Variants in RCOR3 observed in about 807,000 individuals in gnomAD.
The protein encoded by RCOR3 is REST corepressor 3.
A neutral mutation model predicts 64.1 loss-of-function variants in RCOR3; 13 were observed. That is an observed-to-expected ratio of 0.20 (90% CI 0.13 to 0.32). RCOR3 has a LOEUF of 0.32. Among genes scored for constraint, RCOR3 ranks in the 10% least tolerant of loss-of-function variants. The pLI, the probability that RCOR3 is intolerant of heterozygous loss-of-function variation, is 1.00. For synonymous variants in RCOR3, 215 were observed against 239.0 expected, an observed-to-expected ratio of 0.90 and a Z score of 0.93; for missense variants, 489 against 701.2, an observed-to-expected ratio of 0.70 and a Z score of 3.42.
rs894126569 is a variant in RCOR3 at position 211,259,481 on chromosome 1, C to T, written c.-80C>T. 7.8e-5 allele frequency: 112 copies of T among 1,440,446 alleles called. No individual in the cohort carries two copies. The highest frequency in any genetic ancestry group is 1.1e-4 in the East Asian group (4 of 37,486). The allele number at this position is 1,440,446 out of a possible 1,614,324, so 89.2% of individuals were successfully genotyped here. ...TCTCCTCCTCCTCCTCCTTTCCCTC[C>T]CGCCCGCGCTCTAAGCCATCTCCGC... is the stretch of plus-strand genomic sequence containing the variant. On this transcript the variant is annotated 5_prime_UTR_variant, in exon 1 of 12. Transcript: ENST00000419091.
At chr1:211,299,006 CA>C (rs1229059854) in intron 9 of RCOR3, among the ~76,000 whole-genome samples, 32 of 128,894 alleles carry the variant, frequency 2.5e-4, no homozygotes, top group Admixed American at 7.8e-4. Context: ...GACTCCGTCT[CA>C]AAAAAAAAAA....
intron 2 of RCOR3, chr1:211,267,749 A>G: frequency 6.6e-6 from 2 of 302,296 alleles, no homozygotes; most frequent in South Asian, 5.0e-5. Context: ...ACACGATCAC[A>G]TCCAGCTAAT....
intron 8 of RCOR3, among the ~76,000 whole-genome samples, chr1:211,294,177 A>G (rs1699580494): frequency 6.6e-6 from 1 of 152,228 alleles, no homozygotes; most frequent in Admixed American, 6.5e-5. Flanking sequence ...GCAAAACAAA[A>G]TGTACCCAGC....
intron 7 of RCOR3, among the ~76,000 whole-genome samples, chr1:211,282,874 A>G (rs559915053): frequency 1.3e-5 from 2 of 152,240 alleles, no homozygotes; most frequent in East Asian, 1.9e-4. Context: ...TTCTTTCTTT[A>G]TAGTTTTATC....
At chr1:211,266,827 A>G (rs1695279420) in intron 2 of RCOR3, among the ~76,000 whole-genome samples, 1 of 152,212 alleles carries the variant, frequency 6.6e-6, no homozygotes, top group Admixed American at 6.5e-5. Context: ...TAGATAAGTT[A>G]TTTTTAATAG....
At chr1:211,305,597 A>T (rs1202402746) in intron 10 of RCOR3, among the ~76,000 whole-genome samples, 1 of 152,182 alleles carries the variant, frequency 6.6e-6, no homozygotes, top group Non-Finnish European at 1.5e-5. Flanking sequence ...AAAGATTAGT[A>T]TATTAACTCT....
At position 211,313,250 on chromosome 1, in the gene RCOR3, T is replaced by A; in HGVS notation, c.1318-174T>A. 7.0e-7 allele frequency: 1 copy of A among 1,430,996 alleles called. No homozygotes were observed. Among genetic ancestry groups the A allele is most frequent in the Non-Finnish European group, 9.1e-7 (1 of 1,098,696 alleles). The allele number at this position is 1,430,996 out of a possible 1,614,324, so 88.6% of individuals were successfully genotyped here. On this transcript the variant is annotated intron_variant, in intron 11 of 11. Coordinates refer to ENST00000419091, the MANE Select transcript of RCOR3 (RefSeq NM_001136223.3). The surrounding 1 kb of genome is among the most constrained non-coding windows in gnomAD (Gnocchi z 4.7). ...TTTGGTAGCCTCATTGGTTTTTGGTTTTTGGTTTTGTTTTGTTTAAAATAA... is the reference window on the plus strand; with the variant it reads ...TTTGGTAGCCTCATTGGTTTTTGGTATTTGGTTTTGTTTTGTTTAAAATAA...
intron 9 of RCOR3, among the ~76,000 whole-genome samples, chr1:211,300,726 A>G (rs1369355673): frequency 6.6e-6 from 1 of 152,248 alleles, no homozygotes; most frequent in Non-Finnish European, 1.5e-5. Flanking sequence ...GAGAGAAAGA[A>G]TATTTAGCAA....
At chr1:211,259,936 T>TC in intron 1 of RCOR3, 172 bp from the exon 2 acceptor site, 2 of 278,700 alleles carry the variant, frequency 7.2e-6, no homozygotes, top group Middle Eastern at 1.1e-3. Context: ...CCCCCCCCGC[T>TC]CCCCGCCCCC....
chr1:211,302,915 A>G (rs1700522553), intron 9 of RCOR3: 1 of 151,752 alleles, frequency 6.6e-6, no homozygotes, highest in Non-Finnish European at 1.5e-5. Context: ...TGTTTACCTA[A>G]TTTTTCCTAT....
rs1486849354 is a variant in RCOR3, at chr1:211,259,674, C to T, written c.114C>T (p.Gly38=). The T allele has an allele frequency of 1.3e-6, 2 of 1,545,752 alleles. No individual in the cohort carries two copies. Residue 38 remains glycine (G), a synonymous_variant, in exon 1 of 12, where the codon GGC becomes GGT. Coordinates refer to ENST00000419091, the MANE Select transcript of RCOR3 (RefSeq NM_001136223.3). ...GGGSGASSTN[G]GLHYSEPESG... is the part of the protein sequence containing the mutation. ...GCAGCGGCGCCTCGTCCACCAACGG[C>T]GGGCTGCACTACTCAGAGCCCGAGA...
chr1:211,273,516 G>A (rs1368493657), intron 3 of RCOR3, among the ~76,000 whole-genome samples: 1 of 152,206 alleles, frequency 6.6e-6, no homozygotes, highest in East Asian at 1.9e-4. Context: ...ATTATATGGA[G>A]TTCACATAAA....
At chr1:211,262,985 T>A (rs1694608518) in intron 2 of RCOR3, among the ~76,000 whole-genome samples, 1 of 150,676 alleles carries the variant, frequency 6.6e-6, no homozygotes, top group Non-Finnish European at 1.5e-5. Context: ...ACTCGTCATT[T>A]AGCATTAGGT....
At chr1:211,296,630 A>G (rs1331276284) in intron 9 of RCOR3, among the ~76,000 whole-genome samples, 4 of 152,136 alleles carry the variant, frequency 2.6e-5, no homozygotes. Context: ...AGTGTCTTTC[A>G]GAAAGGAAGA....
chr1:211,266,344 T>G (rs1695189188), intron 2 of RCOR3, among the ~76,000 whole-genome samples: 6 of 152,330 alleles, frequency 3.9e-5, no homozygotes, highest in Admixed American at 3.3e-4. Context: ...TTTTTATTGA[T>G]GTAGAAATCC....
intron 7 of RCOR3, among the ~76,000 whole-genome samples, chr1:211,286,427 C>T (rs1698546917): frequency 6.6e-6 from 1 of 151,984 alleles, no homozygotes; most frequent in African/African-American, 2.4e-5. Flanking sequence ...CCTGCCTCAG[C>T]CTCCTGAGTA....
chr1:211,271,174 C>T, intron 2 of RCOR3, 58 bp from the exon 3 acceptor site: 3 of 1,499,694 alleles, frequency 2.0e-6, no homozygotes, highest in Non-Finnish European at 1.9e-6. Context: ...TTTGTTTCTA[C>T]TTATTTTCAG....
rs977198897 is a variant in RCOR3, at chr1:211,259,624, G to A, written c.64G>A (p.Ala22Thr). The A allele has an allele frequency of 1.6e-5, 24 of 1,548,176 alleles. No homozygotes were observed. In the South Asian group the frequency reaches 2.7e-4, roughly 18 times the overall value. ...LGKNRSANGS[A>T]KSPAGGGGSG... The stretch of plus-strand genomic sequence containing the variant: ...GAAGAACCGATCGGCCAACGGCAGC[G>A]CCAAGAGCCCGGCAGGCGGCGGCGG... The change falls in exon 1 of 12, where the codon GCC becomes ACC. Residue 22 changes from alanine to threonine, a missense_variant. By Grantham distance (58) the Ala-to-Thr change is moderately conservative. Around this residue, in one of 2 missense-constraint regions of RCOR3, gnomAD observed 87 missense variants for 84.3 expected, o/e 1.03. Transcript: ENST00000419091.
intron 2 of RCOR3, among the ~76,000 whole-genome samples, chr1:211,270,857 C>CTT (rs1420971089): frequency 6.3e-5 from 9 of 142,036 alleles, no homozygotes; most frequent in African/African-American, 7.7e-5. Flanking sequence ...ATAAAGCTTA[C>CTT]TTTTTTTTTT....
Sources: allele counts gnomAD v4.1 joint callset (sites outside exome capture counted in the v4.1 genomes callset), GRCh38; gene constraint gnomAD v4.1.1; regional missense constraint gnomAD v4.1.1; non-coding constraint Gnocchi (gnomAD v3.1); transcripts MANE v1.5; gene names NCBI Gene and HGNC (gene_info 2026-07-23, HGNC 2026-07-21).